Variants in CNTNAP4 observed in about 807,000 individuals in gnomAD.
CNTNAP4 encodes contactin-associated protein-like 4.
CNTNAP4 carries 98 observed loss-of-function variants against 148.4 expected under a neutral mutation model. The observed-to-expected ratio is 0.66, with a 90% confidence interval of 0.56 to 0.78. The LOEUF (loss-of-function observed/expected upper bound fraction) is 0.78. CNTNAP4 is among the 30% of genes least tolerant of loss of function. CNTNAP4 has a pLI of 0.00. For synonymous variants in CNTNAP4, 730 were observed against 565.1 expected, an observed-to-expected ratio of 1.29 and a Z score of -4.14; for missense variants, 1,935 against 1,565.6, an observed-to-expected ratio of 1.24 and a Z score of -3.98.
At chr16:76,368,825 A>C (rs1329865527) in intron 3 of CNTNAP4, among the ~76,000 whole-genome samples, 2 of 152,148 alleles carry the variant, frequency 1.3e-5, no homozygotes, top group Non-Finnish European at 2.9e-5. Context: ...TATAATAAAA[A>C]AATAAAATTA....
chr16:76,399,429 T>A (rs1337137811), intron 3 of CNTNAP4, among the ~76,000 whole-genome samples: 1 of 152,196 alleles, frequency 6.6e-6, no homozygotes, highest in South Asian at 2.1e-4. Flanking sequence ...ATTAAAAATA[T>A]TGTTTCTCAA....
intron 9 of CNTNAP4, among the ~76,000 whole-genome samples, chr16:76,465,273 A>G (rs1459955652): frequency 6.6e-6 from 1 of 152,142 alleles, no homozygotes; most frequent in African/African-American, 2.4e-5. Context: ...CTCAGTGCTG[A>G]GCTTCTCTCT....
chr16:76,526,237 A>C (rs948944915), intron 17 of CNTNAP4, among the ~76,000 whole-genome samples: 2 of 152,146 alleles, frequency 1.3e-5, no homozygotes, highest in East Asian at 3.9e-4. Context: ...CCATGGCTCA[A>C]AGTGGTGGGA....
intron 1 of CNTNAP4, among the ~76,000 whole-genome samples, chr16:76,312,148 T>G (rs1204170223): frequency 6.6e-6 from 1 of 152,178 alleles, no homozygotes; most frequent in African/African-American, 2.4e-5. Flanking sequence ...TTGGCACTAT[T>G]GACATTTGAG....
intron 4 of CNTNAP4, among the ~76,000 whole-genome samples, chr16:76,444,631 ATTG>A (rs1190916801): frequency 2.0e-5 from 3 of 152,208 alleles, no homozygotes; most frequent in African/African-American, 4.8e-5. Flanking sequence ...GAATTTTGTA[ATTG>A]TTTAAGATGA....
chr16:76,355,839 CTTTTATTTATTT>C (rs1264282160), intron 3 of CNTNAP4, among the ~76,000 whole-genome samples: 4 of 142,342 alleles, frequency 2.8e-5, no homozygotes, highest in African/African-American at 7.9e-5. Context: ...CTTGCATTGT[CTTTTATTTATTT>C]ATTTATTTAT....
chr16:76,467,665 T>C, intron 10 of CNTNAP4, 142 bp downstream of exon 10: 1 of 742,414 alleles, frequency 1.3e-6, no homozygotes, highest in East Asian at 3.0e-5. Context: ...ACATTAGAAA[T>C]AAGAAAAAAT....
intron 4 of CNTNAP4, 135 bp downstream of exon 4, chr16:76,427,734 T>C (rs576067902): frequency 3.7e-4 from 276 of 739,814 alleles, no homozygotes; most frequent in Middle Eastern, 6.7e-4. Flanking sequence ...TGGAAAGCTT[T>C]TTTGTGCATG....
chr16:76,391,883 C>G (rs2017030169), intron 3 of CNTNAP4, among the ~76,000 whole-genome samples: 1 of 152,216 alleles, frequency 6.6e-6, no homozygotes, highest in Non-Finnish European at 1.5e-5. Context: ...TTCACGTGCA[C>G]ACCCAAGTTT....
At chr16:76,353,596 A>G (rs1320371949) in intron 2 of CNTNAP4, among the ~76,000 whole-genome samples, 3 of 152,046 alleles carry the variant, frequency 2.0e-5, no homozygotes, top group East Asian at 3.9e-4. Context: ...TGCCTCCTAG[A>G]TAAATTGTTC....
chr16:76,450,150 A>T (rs1568219062), intron 7 of CNTNAP4, among the ~76,000 whole-genome samples: 1 of 148,378 alleles, frequency 6.7e-6, no homozygotes, highest in African/African-American at 2.5e-5. Context: ...TTTAATCTGT[A>T]TTTTTTTTTT....
chr16:76,451,503 G>A (rs1196325983), intron 7 of CNTNAP4, among the ~76,000 whole-genome samples: 1 of 151,500 alleles, frequency 6.6e-6, no homozygotes, highest in African/African-American at 2.4e-5. Flanking sequence ...GTGAATTGGT[G>A]GTATTTATAT....
At chr16:76,501,996 G>C (rs1166579028) in intron 15 of CNTNAP4, among the ~76,000 whole-genome samples, 5 of 151,802 alleles carry the variant, frequency 3.3e-5, no homozygotes, top group Admixed American at 3.3e-4. Context: ...GTGAACCTGG[G>C]AGGCGGAGCT....
Position 76,522,028 on chromosome 16 carries a change from A to G in CNTNAP4, c.2537-11A>G, listed in dbSNP as rs371342191. 1.7e-5 allele frequency: 27 copies of G among 1,612,904 alleles called. No homozygotes were observed. Among genetic ancestry groups the G allele is most frequent in the Non-Finnish European group, 2.1e-5 (25 of 1,178,998 alleles). ...ACTCACTAGAACAATCTTTATGTGT[A>G]ATATTTCCAGCTCCGACAGTAGTGA... On this transcript the variant is annotated splice_polypyrimidine_tract_variant and intron_variant, in intron 16 of 23. Coordinates refer to ENST00000611870, the MANE Select transcript of CNTNAP4 (RefSeq NM_033401.5).
chr16:76,503,824 C>T (rs979751843), intron 15 of CNTNAP4, among the ~76,000 whole-genome samples: 1 of 151,488 alleles, frequency 6.6e-6, no homozygotes, highest in Non-Finnish European at 1.5e-5. Flanking sequence ...TGATGGTTTC[C>T]AAAAGTAAAT....
intron 14 of CNTNAP4, among the ~76,000 whole-genome samples, chr16:76,496,847 A>T (rs747777293): frequency 6.6e-6 from 1 of 152,170 alleles, no homozygotes; most frequent in African/African-American, 2.4e-5. Context: ...TTACAAACCA[A>T]CCTTGGGGTA....
chr16:76,306,217 C>T (rs898816692), intron 1 of CNTNAP4, among the ~76,000 whole-genome samples: 12 of 152,178 alleles, frequency 7.9e-5, no homozygotes, highest in African/African-American at 2.9e-4. Flanking sequence ...GTTTTAAGTT[C>T]TTTGAGAAAT....
chr16:76,471,830 G>A (rs371244090), intron 10 of CNTNAP4, among the ~76,000 whole-genome samples: 18 of 152,246 alleles, frequency 1.2e-4, no homozygotes, highest in East Asian at 7.7e-4. Context: ...TCAAAGTTTT[G>A]CGGAAGAATG....
chr16:76,531,372 G>C (rs1360639752), intron 17 of CNTNAP4, among the ~76,000 whole-genome samples: 1 of 152,158 alleles, frequency 6.6e-6, no homozygotes. Flanking sequence ...AGGGTTTGGT[G>C]CTGGGTCTCT....
Sources: allele counts gnomAD v4.1 joint callset (sites outside exome capture counted in the v4.1 genomes callset), GRCh38; gene constraint gnomAD v4.1.1; transcripts MANE v1.5; gene names NCBI Gene and HGNC (gene_info 2026-07-23, HGNC 2026-07-21).